DCP2: variants seen among roughly 807,000 people sequenced by gnomAD.
The protein encoded by DCP2 is m7GpppN-mRNA hydrolase.
In DCP2, 30 loss-of-function variants were observed where a neutral mutation model predicts 56.1. The ratio of observed to expected loss-of-function variants is 0.53; its 90% CI spans 0.40 to 0.73. The LOEUF is 0.73. DCP2 is among the 30% of genes least tolerant of loss of function. The pLI is 0.00. For missense variants in DCP2, 533 were observed against 502.7 expected (o/e 1.06, Z -0.58); for synonymous variants, 197 against 163.3 (o/e 1.21, Z -1.57).
In DCP2 at chr5:113,020,091, C is replaced by T. The variant is rs914263364; in HGVS notation, c.*6607C>T. The T allele has an allele frequency of 2.0e-5, 3 of 151,986 alleles. No individual in the cohort carries two copies. The South Asian group carries it at 6.2e-4, about 32-fold the overall frequency. 9.4% of individuals were successfully genotyped at this position (151,986 alleles called of 1,614,324 possible). ...AATTTGTTTGGGAGTAAGTTTTAGT[C>T]GGAAAAAGGTGAAGATATTTATGCT... On this transcript the variant is annotated 3_prime_UTR_variant, in exon 11 of 11. Transcript: ENST00000389063.
rs535361834 is a variant in DCP2 at position 113,020,583 on chromosome 5, C to T, written c.*7099C>T. The T allele has an allele frequency of 6.6e-6, 1 of 152,072 alleles. No individual in the cohort carries two copies. Among genetic ancestry groups the T allele is most frequent in the South Asian group, 2.1e-4 (1 of 4,816 alleles). The allele number at this position is 152,072 out of a possible 1,614,324, so 9.4% of individuals were successfully genotyped here. ...TTGAACAGCAACTGTTTTTTTCCCT[C>T]AGTGTTAACGAAAGGATAAAGACTA... On this transcript the variant is annotated 3_prime_UTR_variant, in exon 11 of 11. Transcript: ENST00000389063.
intron 4 of DCP2, among the ~76,000 whole-genome samples, chr5:112,995,252 T>G (rs1748795256): frequency 1.3e-5 from 2 of 152,256 alleles, no homozygotes; most frequent in Non-Finnish European, 2.9e-5. Flanking sequence ...GGAAGCAGTT[T>G]GGTGAGAATG....
intron 2 of DCP2, among the ~76,000 whole-genome samples, chr5:112,988,781 C>T (rs1432077019): frequency 6.6e-6 from 1 of 152,154 alleles, no homozygotes; most frequent in Non-Finnish European, 1.5e-5. Context: ...TCAGGAGTTA[C>T]AATCTAGTTA....
chr5:112,995,761 G>A (rs1034451755), intron 4 of DCP2, among the ~76,000 whole-genome samples: 2 of 152,174 alleles, frequency 1.3e-5, no homozygotes, highest in Non-Finnish European at 1.5e-5. Context: ...TTAAATGACC[G>A]ACTTTGTCGT....
intron 9 of DCP2, 27 bp downstream of exon 9, chr5:113,008,069 T>G (rs769289889): frequency 6.3e-7 from 1 of 1,575,036 alleles, no homozygotes; most frequent in South Asian, 1.1e-5. Flanking sequence ...TCACACTAAG[T>G]AGGCAGTTCA....
At position 112,994,338 on chromosome 5, in the gene DCP2, AT is replaced by A. The variant is rs1183838516; in HGVS notation, c.432+1578del. Among the ~76,000 whole-genome samples, 32 of 145,522 alleles carry A rather than the reference AT, an allele frequency of 2.2e-4. No homozygotes were observed. The East Asian group carries it at 4.5e-3, about 20-fold the overall frequency. On this transcript the variant is annotated intron_variant, in intron 4 of 10. Coordinates refer to ENST00000389063, the MANE Select transcript of DCP2 (RefSeq NM_152624.6). ...AGTTGCATGCCACCATGCCCAGCTA[AT>A]TTTTTTTTTATTTTTAATGGTGGGG...
intron 1 of DCP2, among the ~76,000 whole-genome samples, chr5:112,984,998 G>A (rs1286777385): frequency 6.6e-6 from 1 of 151,814 alleles, no homozygotes; most frequent in African/African-American, 2.4e-5. Flanking sequence ...ATCAAACTGG[G>A]TGGTACTATT....
At chr5:113,004,720 A>G (rs1580826320) in intron 8 of DCP2, among the ~76,000 whole-genome samples, 1 of 152,174 alleles carries the variant, frequency 6.6e-6, no homozygotes, top group Non-Finnish European at 1.5e-5. Flanking sequence ...AGTTATTTAT[A>G]TCCTCAGCAA....
chr5:112,994,445 T>A (rs1748756032), intron 4 of DCP2, among the ~76,000 whole-genome samples: 1 of 152,148 alleles, frequency 6.6e-6, no homozygotes, highest in Non-Finnish European at 1.5e-5. Flanking sequence ...GTGCTGGGAT[T>A]ACAGGCGTGA....
Position 113,016,802 on chromosome 5 carries a change from T to C in DCP2, c.*3318T>C, listed in dbSNP as rs985914575. ...AAAGTTAATTATAAAAATTAGACAT[T>C]TTGCCAAGTTAGTTTTCTTACCACA... On this transcript the variant is annotated 3_prime_UTR_variant, in exon 11 of 11. Transcript: ENST00000389063. 6.6e-6 allele frequency: 1 copy of C among 152,046 alleles called. No individual in the cohort carries two copies. The highest frequency in any genetic ancestry group is 2.1e-4 in the South Asian group (1 of 4,828). The allele number at this position is 152,046 out of a possible 1,614,324, so 9.4% of individuals were successfully genotyped here.
At chr5:113,006,905 G>A (rs866241911) in intron 8 of DCP2, among the ~76,000 whole-genome samples, 3 of 152,120 alleles carry the variant, frequency 2.0e-5, no homozygotes. Context: ...GGCCAAGGTG[G>A]GTGGATCACT....
rs775068122 is a variant in DCP2 at position 112,985,886 on chromosome 5, G to A, written c.105G>A (p.Val35=). The A allele has an allele frequency of 1.1e-5, 18 of 1,610,660 alleles. No homozygotes were observed. Among genetic ancestry groups the A allele is most frequent in the African/African-American group, 8.0e-5 (6 of 74,886 alleles). The change falls in exon 2 of 11, where the codon GTG becomes GTA. Residue 35 remains valine, a synonymous_variant. Coordinates refer to ENST00000389063, the MANE Select transcript of DCP2 (RefSeq NM_152624.6). ...AGGAAAGAGACAATGCAATCCGAGT[G>A]TGTTTTCAGATTGAACTTGCCCATT... The part of the protein sequence containing the change: ...PSEERDNAIR[V]CFQIELAHWF...
At chr5:113,006,589 A>G (rs1016874569) in intron 8 of DCP2, among the ~76,000 whole-genome samples, 3 of 152,150 alleles carry the variant, frequency 2.0e-5, no homozygotes, top group Admixed American at 1.3e-4. Flanking sequence ...ATTTTTCCCT[A>G]TAGGTTGGAA....
At chr5:112,999,571 C>A (rs558938487) in intron 4 of DCP2, among the ~76,000 whole-genome samples, 1 of 151,730 alleles carries the variant, frequency 6.6e-6, no homozygotes, top group African/African-American at 2.4e-5. Context: ...GGTGATTAGC[C>A]TGCCTTGGCC....
At chr5:112,979,594 T>A (rs1747901864) in intron 1 of DCP2, among the ~76,000 whole-genome samples, 3 of 152,222 alleles carry the variant, frequency 2.0e-5, no homozygotes, top group Non-Finnish European at 4.4e-5. Context: ...TCTTTTGTGT[T>A]ACTTTGTTTT....
In DCP2 at chr5:113,018,706, C is replaced by G. The variant is rs1015711202; in HGVS notation, c.*5222C>G. 3 of 152,114 alleles carry G rather than the reference C, an allele frequency of 2.0e-5. No homozygotes were observed. Among genetic ancestry groups the G allele is most frequent in the Non-Finnish European group, 4.4e-5 (3 of 68,036 alleles). 9.4% of individuals were successfully genotyped at this position (152,114 alleles called of 1,614,324 possible). A position where few individuals can be genotyped will look rare whatever the true frequency, so the allele number is the denominator to read the frequency against. On this transcript the variant is annotated 3_prime_UTR_variant, in exon 11 of 11. Coordinates refer to ENST00000389063, the MANE Select transcript of DCP2 (RefSeq NM_152624.6). ...TGTTCGTTCAGTGCCATTTGAAGAC[C>G]TGTTGTTTCTTAATCCTTTTTCTTG...
At chr5:112,991,951 T>C (rs1748613452) in intron 2 of DCP2, among the ~76,000 whole-genome samples, 170 bp from the exon 3 acceptor site, 1 of 152,170 alleles carries the variant, frequency 6.6e-6, no homozygotes, top group South Asian at 2.1e-4. Flanking sequence ...CCCAAAGTGC[T>C]GGGGTTACAG....
At chr5:113,001,002 G>T (rs1749152181) in intron 4 of DCP2, 82 bp from the exon 5 acceptor site, 4 of 1,344,220 alleles carry the variant, frequency 3.0e-6, no homozygotes, top group South Asian at 3.0e-5. Flanking sequence ...CTTTTTCTGA[G>T]TTTTTGTCTT....
intron 4 of DCP2, among the ~76,000 whole-genome samples, 163 bp downstream of exon 4, chr5:112,992,933 T>G (rs537963506): frequency 1.2e-4 from 18 of 152,266 alleles, no homozygotes; most frequent in African/African-American, 4.3e-4. Flanking sequence ...GTTGATTGTT[T>G]TATCCACATC....
Sources: allele counts gnomAD v4.1 joint callset (sites outside exome capture counted in the v4.1 genomes callset), GRCh38; gene constraint gnomAD v4.1.1; transcripts MANE v1.5; gene names NCBI Gene and HGNC (gene_info 2026-07-23, HGNC 2026-07-21).